The following TMEM242 variants were observed in gnomAD, a reference collection of about 807,000 sequenced individuals.
TMEM242 encodes the protein UPF0463 transmembrane protein C6orf35.
Under a neutral mutation model 18.2 loss-of-function variants are expected in TMEM242, and 10 were observed. The observed-to-expected ratio is 0.55, with a 90% CI of 0.34 to 0.93. The LOEUF (loss-of-function observed/expected upper bound fraction) is 0.93. Ranked by LOEUF, TMEM242 falls within the 40% of genes least tolerant of loss-of-function variation. The pLI is 0.02. For synonymous variants in TMEM242, 57 were observed against 69.9 expected (o/e 0.81, Z 0.92); for missense variants, 186 against 175.5 (o/e 1.06, Z -0.34).
Position 157,289,510 on chromosome 6 carries a change from G to T in TMEM242, c.*3391C>A, listed in dbSNP as rs1554246713. 6.6e-6 allele frequency: 1 copy of T among 152,094 alleles called. No homozygotes were observed. Among genetic ancestry groups the T allele is most frequent in the Non-Finnish European group, 1.5e-5 (1 of 68,004 alleles). 9.4% of individuals were successfully genotyped at this position (152,094 alleles called of 1,614,324 possible). On this transcript the variant is annotated 3_prime_UTR_variant, in exon 4 of 4. Transcript: ENST00000400788. ...TTTAACTATTTGATGAAATGCCTTT[G>T]TATGTTACCTGATTTTCATTTGTAC...
At chr6:157,310,532 G>A (rs587763322) in intron 3 of TMEM242, among the ~76,000 whole-genome samples, 1 of 54,650 alleles carries the variant, frequency 1.8e-5, no homozygotes, top group African/African-American at 6.8e-5. Flanking sequence ...CCTCATCATG[G>A]TATCCCAGTG....
At chr6:157,299,695 C>T (rs1777800993) in intron 3 of TMEM242, 5 of 1,610,640 alleles carry the variant, frequency 3.1e-6, no homozygotes, top group Admixed American at 1.7e-5. Flanking sequence ...AATTAAGGCG[C>T]GTTTCTCCCT....
intron 3 of TMEM242, among the ~76,000 whole-genome samples, chr6:157,304,424 C>T (rs1166202364): frequency 2.4e-5 from 3 of 123,040 alleles, no homozygotes; most frequent in African/African-American, 9.6e-5. Context: ...AAGATTGTGC[C>T]ACTGAACTCC....
At chr6:157,312,660 GC>G (rs1562385205) in intron 3 of TMEM242, among the ~76,000 whole-genome samples, 1 of 137,762 alleles carries the variant, frequency 7.3e-6, no homozygotes, top group Non-Finnish European at 1.6e-5. Flanking sequence ...TCATCATAGT[GC>G]CCCAGGGTGC....
At chr6:157,314,891 C>T (rs1444064195) in intron 3 of TMEM242, among the ~76,000 whole-genome samples, 1 of 152,246 alleles carries the variant, frequency 6.6e-6, no homozygotes, top group South Asian at 2.1e-4. Flanking sequence ...AAATAGGAAC[C>T]GCAAGCACTT....
chr6:157,321,487 T>TTAGACCA, intron 2 of TMEM242, among the ~76,000 whole-genome samples: 1 of 152,298 alleles, frequency 6.6e-6, no homozygotes, highest in African/African-American at 2.4e-5. Context: ...TGCTACTGCC[T>TTAGACCA]TAGACCAAGG....
chr6:157,299,580 T>G (rs1365625629), intron 3 of TMEM242: 4 of 1,574,726 alleles, frequency 2.5e-6, no homozygotes, highest in Admixed American at 1.7e-5. Context: ...GCTACATAAG[T>G]TAAGTTATCC....
chr6:157,310,775 C>A (rs376495444), intron 3 of TMEM242, among the ~76,000 whole-genome samples: 1 of 146,380 alleles, frequency 6.8e-6, no homozygotes, highest in Non-Finnish European at 1.5e-5. Context: ...TCATAGGGTC[C>A]CAGTGTGCAC....
At chr6:157,309,297 C>A (rs188542557) in intron 3 of TMEM242, among the ~76,000 whole-genome samples, 109 of 151,730 alleles carry the variant, frequency 7.2e-4, no homozygotes, top group African/African-American at 2.5e-3. Flanking sequence ...TTTTTTTAAA[C>A]GAGTACATAT....
At chr6:157,312,916 C>T (rs1562385630) in intron 3 of TMEM242, among the ~76,000 whole-genome samples, 19 of 152,228 alleles carry the variant, frequency 1.2e-4, no homozygotes, top group Admixed American at 6.5e-4. Context: ...GTGCGCTCAC[C>T]CGGCATCATC....
chr6:157,293,249 G>T (rs782382140), intron 3 of TMEM242, among the ~76,000 whole-genome samples: 2 of 152,136 alleles, frequency 1.3e-5, no homozygotes, highest in Non-Finnish European at 2.9e-5. Context: ...GGACATGGTG[G>T]CTCACACCTG....
rs1296615406 is a variant in TMEM242, at chr6:157,290,904, C to A, written c.*1997G>T. 6.6e-6 allele frequency: 1 copy of A among 152,230 alleles called. No individual in the cohort carries two copies. Among genetic ancestry groups the A allele is most frequent in the Non-Finnish European group, 1.5e-5 (1 of 68,044 alleles). 9.4% of individuals were successfully genotyped at this position (152,230 alleles called of 1,614,324 possible). A position where few individuals can be genotyped will look rare whatever the true frequency, so the allele number is the denominator to read the frequency against. ...AGGTGACATATAAGGGTTTTGTAGACACGAGGCATGCCACTCTAGTATTAG... is the reference window on the plus strand; with the variant it reads ...AGGTGACATATAAGGGTTTTGTAGAAACGAGGCATGCCACTCTAGTATTAG... On this transcript the variant is annotated 3_prime_UTR_variant, in exon 4 of 4. Transcript: ENST00000400788.
rs1777663653 is a variant in TMEM242, at chr6:157,289,931, C to T, written c.*2970G>A. ...CTCAGCAGCCACATGCTTCCATGCC[C>T]TTGGGCCATGGTCCTCCTGGTGATG... is the stretch of plus-strand genomic sequence containing the variant. On this transcript the variant is annotated 3_prime_UTR_variant, in exon 4 of 4. Coordinates refer to ENST00000400788, the MANE Select transcript of TMEM242 (RefSeq NM_018452.6). 1 of 152,284 alleles carries T rather than the reference C, an allele frequency of 6.6e-6. No homozygotes were observed. Among genetic ancestry groups the T allele is most frequent in the Non-Finnish European group, 1.5e-5 (1 of 68,068 alleles). 9.4% of individuals were successfully genotyped at this position (152,284 alleles called of 1,614,324 possible). A position where few individuals can be genotyped will look rare whatever the true frequency, so the allele number is the denominator to read the frequency against.
At chr6:157,298,766 C>T (rs1160994083) in intron 3 of TMEM242, among the ~76,000 whole-genome samples, 6 of 152,170 alleles carry the variant, frequency 3.9e-5, no homozygotes, top group Admixed American at 1.3e-4. Context: ...TAAATACTTA[C>T]ATCCTACTTT....
At chr6:157,309,338 T>G (rs1777960141) in intron 3 of TMEM242, among the ~76,000 whole-genome samples, 1 of 152,200 alleles carries the variant, frequency 6.6e-6, no homozygotes, top group Non-Finnish European at 1.5e-5. Flanking sequence ...GTTGTCTTTT[T>G]TTTTCTGTTT....
chr6:157,291,554 G>A lies in TMEM242; in HGVS notation c.*1347C>T, dbSNP rs1777684574. 6.6e-6 allele frequency: 1 copy of A among 152,244 alleles called. No homozygotes were observed. The highest frequency in any genetic ancestry group is 1.5e-5 in the Non-Finnish European group (1 of 68,046). 9.4% of individuals were successfully genotyped at this position (152,244 alleles called of 1,614,324 possible). A position where few individuals can be genotyped will look rare whatever the true frequency, so the allele number is the denominator to read the frequency against. The stretch of plus-strand genomic sequence containing the variant: ...AGTTACAAATGAAAGGCAGTGAAGA[G>A]TTTTTGCTACCCGCATTCACTGACC... On this transcript the variant is annotated 3_prime_UTR_variant, in exon 4 of 4. Transcript: ENST00000400788.
chr6:157,307,461 T>C (rs1299814389), intron 3 of TMEM242, among the ~76,000 whole-genome samples: 1 of 152,204 alleles, frequency 6.6e-6, no homozygotes, highest in Non-Finnish European at 1.5e-5. Context: ...TTTGGAAATA[T>C]GCCAAAACAG....
chr6:157,310,401 C>T (rs1554248268), intron 3 of TMEM242, among the ~76,000 whole-genome samples: 1 of 86,952 alleles, frequency 1.2e-5, no homozygotes, highest in Non-Finnish European at 2.6e-5. Flanking sequence ...TCATAGTGTC[C>T]CAGTGGGCAC....
rs1777649349 is a variant in TMEM242 at position 157,289,052 on chromosome 6, C to CT, written c.*3848_*3849insA. On this transcript the variant is annotated 3_prime_UTR_variant, in exon 4 of 4. Coordinates refer to ENST00000400788, the MANE Select transcript of TMEM242 (RefSeq NM_018452.6). ...TCTTTAAGTACATTTAATACATTCACCTTTTTTTTTTTTTAAAGTAAGGGA... is the reference window on the plus strand; with the variant it reads ...TCTTTAAGTACATTTAATACATTCACTCTTTTTTTTTTTTTAAAGTAAGGGA... 4.7e-5 allele frequency among the ~76,000 whole-genome samples: 1 copy of CT among 21,310 alleles called. No homozygotes were observed. Among genetic ancestry groups the CT allele is most frequent in the Non-Finnish European group, 8.7e-5 (1 of 11,496 alleles). 14.0% of individuals were successfully genotyped at this position (21,310 alleles called of 152,430 possible). A position where few individuals can be genotyped will look rare whatever the true frequency, so the allele number is the denominator to read the frequency against.
Sources: gnomAD v4.1 joint callset for allele counts (sites outside exome capture counted in the v4.1 genomes callset) on GRCh38, gnomAD v4.1.1 for gene constraint, MANE v1.5 for transcripts, NCBI Gene and HGNC (gene_info 2026-07-23, HGNC 2026-07-21) for gene names.